Variants in HACD3 observed in about 807,000 individuals in gnomAD.
HACD3 encodes 3-hydroxyacyl-CoA dehydratase 3.
A neutral mutation model predicts 55.2 loss-of-function variants in HACD3; 30 were observed. The ratio of observed to expected loss-of-function variants is 0.54; its 90% confidence interval spans 0.41 to 0.74. The LOEUF is 0.74. Ranked by LOEUF, HACD3 falls within the 30% of genes least tolerant of loss-of-function variation. The pLI, the probability that HACD3 is intolerant of heterozygous loss-of-function variation, is 0.00. For missense variants in HACD3, 363 were observed against 440.1 expected, an observed-to-expected ratio of 0.82 and a Z score of 1.57; for synonymous variants, 141 against 151.7, an observed-to-expected ratio of 0.93 and a Z score of 0.52.
At position 65,576,839 on chromosome 15, in the gene HACD3, G is replaced by A. The variant is rs1181553744; in HGVS notation, c.*460G>A. ...AGGAATTAATTATTCTGTACCTAAGGGGTTACTTGTTTAATGGGATGGCAT... is the reference window on the plus strand; with the variant it reads ...AGGAATTAATTATTCTGTACCTAAGAGGTTACTTGTTTAATGGGATGGCAT... On this transcript the variant is annotated 3_prime_UTR_variant, in exon 11 of 11. Coordinates refer to ENST00000261875, the MANE Select transcript of HACD3 (RefSeq NM_016395.4). 1 of 155,354 alleles carries A rather than the reference G, an allele frequency of 6.4e-6. No homozygotes were observed. Among genetic ancestry groups the A allele is most frequent in the Admixed American group, 6.4e-5 (1 of 15,582 alleles). The allele number at this position is 155,354 out of a possible 1,614,324, so 9.6% of individuals were successfully genotyped here. A position where few individuals can be genotyped will look rare whatever the true frequency, so the allele number is the denominator to read the frequency against.
intron 1 of HACD3, among the ~76,000 whole-genome samples, chr15:65,545,365 C>T (rs569898689): frequency 4.0e-5 from 6 of 151,440 alleles, no homozygotes; most frequent in African/African-American, 1.4e-4. Context: ...AGACAATTGG[C>T]ATGGGCTAAT....
chr15:65,576,218 A>C, intron 10 of HACD3, 85 bp from the exon 11 acceptor site: 1 of 1,518,866 alleles, frequency 6.6e-7, no homozygotes, highest in South Asian at 1.3e-5. Flanking sequence ...ATATGACGAC[A>C]GCTAGATACT....
chr15:65,559,605 G>C (rs1392217902), intron 5 of HACD3, among the ~76,000 whole-genome samples: 2 of 151,548 alleles, frequency 1.3e-5, no homozygotes, highest in Non-Finnish European at 2.9e-5. Context: ...CACACAAACA[G>C]GTCTACCTCA....
chr15:65,530,910 C>A (rs188072812), intron 1 of HACD3, 192 bp downstream of exon 1: 14 of 560,606 alleles, frequency 2.5e-5, no homozygotes, highest in African/African-American at 2.4e-4. Context: ...GGGGCACAAC[C>A]CCCCGAGGGC....
chr15:65,532,525 G>C lies in HACD3; in HGVS notation c.87+1807G>C, dbSNP rs182876103. On this transcript the variant is annotated intron_variant, in intron 1 of 10. Transcript: ENST00000261875. ...GTGTAATTCACTATGTTGGCTACTCGGGAGGCTGAGGCAGGAGAATTGCTT... is the reference window on the plus strand; with the variant it reads ...GTGTAATTCACTATGTTGGCTACTCCGGAGGCTGAGGCAGGAGAATTGCTT... Among the ~76,000 whole-genome samples, 528 of 151,948 alleles carry C rather than the reference G, an allele frequency of 3.5e-3. 3 individuals carry two copies. Among genetic ancestry groups the C allele is most frequent in the African/African-American group, 0.012 (508 of 41,436 alleles).
intron 1 of HACD3, among the ~76,000 whole-genome samples, chr15:65,545,415 G>A (rs2072065560): frequency 6.6e-6 from 1 of 151,606 alleles, no homozygotes; most frequent in African/African-American, 2.4e-5. Context: ...AAATAGGCAT[G>A]GCAATCAAGA....
At chr15:65,572,137 A>C in intron 9 of HACD3, 98 bp from the exon 10 acceptor site, 1 of 1,487,190 alleles carries the variant, frequency 6.7e-7, no homozygotes. Flanking sequence ...TTTCCAGCAC[A>C]CCCAGAACTG....
chr15:65,572,951 A>T (rs1345143549), intron 10 of HACD3, among the ~76,000 whole-genome samples: 2 of 130,994 alleles, frequency 1.5e-5, no homozygotes, highest in South Asian at 2.2e-4. Flanking sequence ...AATAAAAATT[A>T]AAAAAAAAAA....
At chr15:65,548,806 T>G (rs1239151622) in intron 1 of HACD3, among the ~76,000 whole-genome samples, 3 of 152,156 alleles carry the variant, frequency 2.0e-5, no homozygotes, top group African/African-American at 7.2e-5. Context: ...GCTCAAGTGA[T>G]CTTCCTGCGT....
At chr15:65,562,946 A>G in intron 6 of HACD3, 62 bp downstream of exon 6, 2 of 1,588,852 alleles carry the variant, frequency 1.3e-6, no homozygotes, top group South Asian at 2.3e-5. Context: ...GTATTCACCA[A>G]AGGGAGCACT....
chr15:65,563,371 A>G (rs1353316769), intron 6 of HACD3, among the ~76,000 whole-genome samples: 1 of 152,236 alleles, frequency 6.6e-6, no homozygotes, highest in Non-Finnish European at 1.5e-5. Flanking sequence ...GGCTTTGACC[A>G]GTGGCATTCC....
At chr15:65,538,225 G>C (rs1224641801) in intron 1 of HACD3, among the ~76,000 whole-genome samples, 1 of 151,844 alleles carries the variant, frequency 6.6e-6, no homozygotes, top group Non-Finnish European at 1.5e-5. Context: ...GATGGATCTG[G>C]GCAAAGTCAA....
chr15:65,534,400 T>A (rs1168199088), intron 1 of HACD3: 1 of 152,188 alleles, frequency 6.6e-6, no homozygotes, highest in African/African-American at 2.4e-5. Flanking sequence ...TGGTGGACAA[T>A]AAAGACTTCA....
chr15:65,548,196 G>A (rs1026885179), intron 1 of HACD3, among the ~76,000 whole-genome samples: 1 of 152,138 alleles, frequency 6.6e-6, no homozygotes, highest in Non-Finnish European at 1.5e-5. Flanking sequence ...GACCTGTGAT[G>A]TAAGTGATTT....
At chr15:65,537,776 G>A (rs1429106257) in intron 1 of HACD3, among the ~76,000 whole-genome samples, 15 of 78,542 alleles carry the variant, frequency 1.9e-4, no homozygotes, top group Non-Finnish European at 2.6e-4. Flanking sequence ...CTGGGCAATA[G>A]AGAGAGACTC....
chr15:65,535,575 C>T, intron 1 of HACD3: 4 of 394,364 alleles, frequency 1.0e-5, no homozygotes, highest in Non-Finnish European at 1.8e-5. Context: ...CGTCATTTTT[C>T]CAACAGCATG....
chr15:65,559,047 A>C (rs75058857), intron 5 of HACD3, among the ~76,000 whole-genome samples: 1 of 152,196 alleles, frequency 6.6e-6, no homozygotes, highest in Admixed American at 6.5e-5. Flanking sequence ...AAATGATTGC[A>C]TGGATCCAAG....
chr15:65,559,047 A>G lies in HACD3; in HGVS notation c.421+316A>G, dbSNP rs75058857. 1.7e-3 allele frequency among the ~76,000 whole-genome samples: 265 copies of G among 152,312 alleles called. 2 individuals are homozygous for G. Among genetic ancestry groups the G allele is most frequent in the African/African-American group, 6.1e-3 (253 of 41,560 alleles). On this transcript the variant is annotated intron_variant, in intron 5 of 10. Transcript: ENST00000261875. ...TGCAGAGACTTGTGGAAATGATTGC[A>G]TGGATCCAAGGCTACACTCCTTCAG...
chr15:65,538,022 A>G (rs2071981387), intron 1 of HACD3, among the ~76,000 whole-genome samples: 2 of 144,070 alleles, frequency 1.4e-5, no homozygotes, highest in South Asian at 2.2e-4. Context: ...TCAAAATATT[A>G]CTGCTCATTG....
Sources: gnomAD v4.1 joint callset for allele counts (sites outside exome capture counted in the v4.1 genomes callset) on GRCh38, gnomAD v4.1.1 for gene constraint, MANE v1.5 for transcripts, NCBI Gene and HGNC (gene_info 2026-07-23, HGNC 2026-07-21) for gene names.